LIPI: variants seen among roughly 807,000 people sequenced by gnomAD.
LIPI encodes lipase I.
A neutral mutation model predicts 50.6 loss-of-function variants in LIPI; 59 were observed. That is an observed-to-expected ratio of 1.16 (90% confidence interval 0.94 to 1.45). The LOEUF is 1.45. Among genes scored for constraint, LIPI ranks in the 40% most tolerant of loss-of-function variants. The probability of loss-of-function intolerance (pLI) is 0.00; values close to 1 mark genes in which losing one functional copy is unlikely to be tolerated. For synonymous variants in LIPI, 203 were observed against 178.2 expected, an observed-to-expected ratio of 1.14 and a Z score of -1.11; for missense variants, 586 against 536.3, an observed-to-expected ratio of 1.09 and a Z score of -0.92.
intron 9 of LIPI, among the ~76,000 whole-genome samples, chr21:14,139,384 G>A (rs191152977): frequency 2.3e-3 from 356 of 151,836 alleles, no homozygotes; most frequent in African/African-American, 7.0e-3. Context: ...CCTTCAATTG[G>A]GTTTAAGCAT....
chr21:14,131,631 TAGA>T lies in LIPI; in HGVS notation c.1295+12989_1295+12991del, dbSNP rs1263584860. On this transcript the variant is annotated intron_variant, in intron 9 of 9. Transcript: ENST00000681601. ...GCTACACCAGATGTGTAGATATCAG[TAGA>T]AGGACACAGAAACATGAAAAAGCAG... Among the ~76,000 whole-genome samples, 3 of 151,682 alleles carry T rather than the reference TAGA, an allele frequency of 2.0e-5. No homozygotes were observed. The East Asian group carries it at 5.9e-4, about 30-fold the overall frequency.
intron 9 of LIPI, among the ~76,000 whole-genome samples, chr21:14,124,427 G>A (rs898100718): frequency 5.3e-5 from 8 of 152,104 alleles, no homozygotes; most frequent in South Asian, 2.1e-4. Context: ...ACCCCGCCCC[G>A]GTAGAATACT....
intron 9 of LIPI, among the ~76,000 whole-genome samples, chr21:14,123,237 A>G (rs1176146327): frequency 2.0e-5 from 3 of 152,250 alleles, no homozygotes; most frequent in African/African-American, 2.4e-5. Context: ...ACCTGTTTAG[A>G]TCAGCAATAT....
At chr21:14,181,324 A>T (rs2019261181) in intron 4 of LIPI, among the ~76,000 whole-genome samples, 1 of 152,206 alleles carries the variant, frequency 6.6e-6, no homozygotes, top group African/African-American at 2.4e-5. Flanking sequence ...CATTTAAGGA[A>T]GACTATTCTT....
At chr21:14,126,833 C>T (rs1161326866) in intron 9 of LIPI, among the ~76,000 whole-genome samples, 1 of 152,090 alleles carries the variant, frequency 6.6e-6, no homozygotes, top group Non-Finnish European at 1.5e-5. Context: ...CAAACTTGGG[C>T]ACAGTGGTTG....
At position 14,192,150 on chromosome 21, in the gene LIPI, A is replaced by G. The variant is rs981970380; in HGVS notation, c.47-2731T>C. Among the ~76,000 whole-genome samples the G allele has an allele frequency of 3.9e-5, 6 of 152,304 alleles. No homozygotes were observed. In the East Asian group the frequency reaches 7.7e-4, roughly 20 times the overall value. The stretch of plus-strand genomic sequence containing the variant: ...TTCATCAGCAACATTAATATCAAGT[A>G]AAGAGAATAAAAACAAAAGTCATCA... On this transcript the variant is annotated intron_variant, in intron 1 of 9. Transcript: ENST00000681601.
intron 3 of LIPI, 144 bp from the exon 4 acceptor site, chr21:14,182,003 T>C: frequency 3.0e-6 from 2 of 659,550 alleles, no homozygotes; most frequent in African/African-American, 1.8e-5. Context: ...TAAAAACAAA[T>C]GGAAGTGAAT....
intron 4 of LIPI, among the ~76,000 whole-genome samples, chr21:14,172,731 G>C (rs1397232692): frequency 6.6e-6 from 1 of 151,894 alleles, no homozygotes; most frequent in African/African-American, 2.4e-5. Context: ...TGGGGGAAGG[G>C]GGGAGGGATA....
Position 14,169,895 on chromosome 21 carries a change from A to C in LIPI, c.644-3444T>G, listed in dbSNP as rs563471171. Among the ~76,000 whole-genome samples, 12 of 152,310 alleles carry C rather than the reference A, an allele frequency of 7.9e-5. No homozygotes were observed. In the East Asian group the frequency reaches 1.4e-3, roughly 17 times the overall value. On this transcript the variant is annotated intron_variant, in intron 4 of 9. Transcript: ENST00000681601. Reference sequence around the variant, plus strand: ...GAACTGAAGGAAATAGAGACACAAAAAACCCTTCAAAAAATTAATGAATCC... The same window carrying C: ...GAACTGAAGGAAATAGAGACACAAACAACCCTTCAAAAAATTAATGAATCC...
intron 7 of LIPI, among the ~76,000 whole-genome samples, chr21:14,154,694 C>A (rs146166113): frequency 1.7e-4 from 26 of 152,030 alleles, no homozygotes; most frequent in African/African-American, 6.3e-4. Flanking sequence ...GTCTGTGAAG[C>A]AAGATCCATA....
chr21:14,166,350 C>A lies in LIPI; in HGVS notation c.733+12G>T, dbSNP rs754517963. ...ATATTATGTAGTTCATTCAAAAATACTGTCAGTATACCTGAGAAAATTGAT... is the reference window on the plus strand; with the variant it reads ...ATATTATGTAGTTCATTCAAAAATAATGTCAGTATACCTGAGAAAATTGAT... On this transcript the variant is annotated intron_variant, in intron 5 of 9. Transcript: ENST00000681601. 2.1e-6 allele frequency: 3 copies of A among 1,408,534 alleles called. No homozygotes were observed. Among genetic ancestry groups the A allele is most frequent in the Non-Finnish European group, 3.0e-6 (3 of 993,154 alleles). 87.3% of individuals were successfully genotyped at this position (1,408,534 alleles called of 1,614,324 possible).
intron 4 of LIPI, among the ~76,000 whole-genome samples, chr21:14,175,530 T>A (rs947115101): frequency 6.6e-6 from 1 of 152,144 alleles, no homozygotes; most frequent in African/African-American, 2.4e-5. Flanking sequence ...TTTATAACAG[T>A]CTCAATTTTT....
intron 9 of LIPI, among the ~76,000 whole-genome samples, chr21:14,125,217 G>T (rs2017013055): frequency 6.6e-6 from 1 of 151,970 alleles, no homozygotes; most frequent in Admixed American, 6.6e-5. Flanking sequence ...TGACTCTGTG[G>T]GTAAATAAAT....
chr21:14,172,105 C>T (rs932006939), intron 4 of LIPI, among the ~76,000 whole-genome samples: 1 of 152,098 alleles, frequency 6.6e-6, no homozygotes, highest in Non-Finnish European at 1.5e-5. Flanking sequence ...AGCCAAAAAA[C>T]ACATGAAAAA....
intron 3 of LIPI, among the ~76,000 whole-genome samples, chr21:14,182,730 C>T (rs1371511778): frequency 6.9e-6 from 1 of 145,840 alleles, no homozygotes; most frequent in African/African-American, 2.5e-5. Flanking sequence ...AAACAAATGG[C>T]ATTCACAGTT....
intron 1 of LIPI, among the ~76,000 whole-genome samples, chr21:14,191,660 C>A (rs1209271377): frequency 1.3e-5 from 2 of 152,096 alleles, no homozygotes; most frequent in East Asian, 3.8e-4. Flanking sequence ...ATTCACCACT[C>A]CCTGAATCCA....
At chr21:14,137,884 T>C (rs1001913981) in intron 9 of LIPI, among the ~76,000 whole-genome samples, 5 of 152,166 alleles carry the variant, frequency 3.3e-5, no homozygotes, top group African/African-American at 9.6e-5. Context: ...TAAAATGTTA[T>C]GGAGCTCCAG....
At chr21:14,169,744 G>T (rs1290682330) in intron 4 of LIPI, among the ~76,000 whole-genome samples, 1 of 152,156 alleles carries the variant, frequency 6.6e-6, no homozygotes, top group Non-Finnish European at 1.5e-5. Context: ...AGCACTAAAT[G>T]CCCACAAGAG....
intron 9 of LIPI, among the ~76,000 whole-genome samples, chr21:14,114,396 A>G (rs1049728747): frequency 2.0e-4 from 30 of 152,140 alleles, no homozygotes; most frequent in African/African-American, 7.2e-4. Context: ...ACAAGGGACC[A>G]TAGAAAAGAC....
Sources: gnomAD v4.1 joint callset for allele counts (sites outside exome capture counted in the v4.1 genomes callset) on GRCh38, gnomAD v4.1.1 for gene constraint, MANE v1.5 for transcripts, NCBI Gene and HGNC (gene_info 2026-07-23, HGNC 2026-07-21) for gene names.